HGD: variants seen among roughly 807,000 people sequenced by gnomAD.
The protein encoded by HGD is homogentisate 1,2-dioxygenase, also known as homogentisate oxidase.
A neutral mutation model predicts 60.8 loss-of-function variants in HGD; 61 were observed. The observed-to-expected ratio is 1.00, with a 90% CI of 0.82 to 1.24. The LOEUF (loss-of-function observed/expected upper bound fraction) is 1.24, where lower values mean the gene tolerates loss of function less well. Among genes scored for constraint, HGD ranks in the 50% most tolerant of loss-of-function variants. The pLI, the probability that HGD is intolerant of heterozygous loss-of-function variation, is 0.00. For synonymous variants in HGD, 212 were observed against 187.7 expected (o/e 1.13, Z -1.06); for missense variants, 542 against 547.1 (o/e 0.99, Z 0.09).
intron 12 of HGD, among the ~76,000 whole-genome samples, chr3:120,635,952 AGAATCCC>A (rs1330774883): frequency 6.6e-6 from 1 of 152,066 alleles, no homozygotes; most frequent in East Asian, 1.9e-4. Flanking sequence ...CTCCTTCATC[AGAATCCC>A]CTGACTTGCC....
Position 120,650,759 on chromosome 3 carries a change from A to G in HGD, c.434+15T>C. The G allele has an allele frequency of 6.2e-7, 1 of 1,600,920 alleles. No homozygotes were observed. Among genetic ancestry groups the G allele is most frequent in the Non-Finnish European group, 8.6e-7 (1 of 1,167,842 alleles). On this transcript the variant is annotated intron_variant, in intron 6 of 13. Coordinates refer to ENST00000283871, the MANE Select transcript of HGD (RefSeq NM_000187.4). ...AGAAGATGGGCATGTCCTTCCCTAG[A>G]ACTGAGCCACTTACCTGTTCTCCAT...
intron 4 of HGD, among the ~76,000 whole-genome samples, chr3:120,658,217 C>T (rs1348541928): frequency 6.6e-6 from 1 of 152,124 alleles, no homozygotes; most frequent in Non-Finnish European, 1.5e-5. Context: ...AAGTTAAGTC[C>T]CTTCCACCTA....
intron 10 of HGD, among the ~76,000 whole-genome samples, chr3:120,642,455 A>G (rs1941015533): frequency 6.6e-6 from 1 of 152,238 alleles, no homozygotes; most frequent in African/African-American, 2.4e-5. Context: ...GGACTTTAGC[A>G]AGAGCTAGAA....
chr3:120,661,905 C>T (rs1257342241), intron 4 of HGD, among the ~76,000 whole-genome samples: 1 of 152,186 alleles, frequency 6.6e-6, no homozygotes, highest in Non-Finnish European at 1.5e-5. Flanking sequence ...AAGGCATGTA[C>T]TGGATACTGC....
intron 4 of HGD, among the ~76,000 whole-genome samples, chr3:120,656,803 C>T (rs775737352): frequency 3.9e-5 from 6 of 152,126 alleles, no homozygotes; most frequent in East Asian, 1.9e-4. Context: ...CCACTTGCCT[C>T]GCCCTCCCAA....
At chr3:120,674,780 G>A (rs1394768006) in intron 3 of HGD, 121 bp downstream of exon 3, 1 of 733,200 alleles carries the variant, frequency 1.4e-6, no homozygotes, top group African/African-American at 1.7e-5. Context: ...CCAGACCATA[G>A]CCTATAAGAA....
chr3:120,641,733 A>T, intron 10 of HGD, 40 bp from the exon 11 acceptor site: 1 of 1,311,400 alleles, frequency 7.6e-7, no homozygotes, highest in Non-Finnish European at 1.1e-6. Flanking sequence ...TTACCATCTA[A>T]TGCTTTTGTA....
At chr3:120,633,058 G>T in intron 13 of HGD, 89 bp downstream of exon 13, 1 of 1,171,616 alleles carries the variant, frequency 8.5e-7, no homozygotes, top group South Asian at 1.3e-5. Context: ...CTCTTCCTCT[G>T]TGACTTTGGA....
intron 10 of HGD, among the ~76,000 whole-genome samples, chr3:120,642,484 C>T (rs1422723901): frequency 1.3e-5 from 2 of 152,068 alleles, no homozygotes; most frequent in African/African-American, 4.8e-5. Flanking sequence ...AAGGGTGTTA[C>T]CCAGTGGTGT....
At position 120,647,062 on chromosome 3, in the gene HGD, A is replaced by G; in HGVS notation, c.470-10T>C. On this transcript the variant is annotated splice_polypyrimidine_tract_variant and intron_variant, in intron 7 of 13. Transcript: ENST00000283871. ...TTCCCTTTCTGCGGAACTGACAAAAAAAGACAGGGCAGTGGTGAGCAATTC... is the reference window on the plus strand; with the variant it reads ...TTCCCTTTCTGCGGAACTGACAAAAGAAGACAGGGCAGTGGTGAGCAATTC... 6.2e-7 allele frequency: 1 copy of G among 1,611,312 alleles called. No homozygotes were observed. The highest frequency in any genetic ancestry group is 8.5e-7 in the Non-Finnish European group (1 of 1,177,418).
At chr3:120,642,343 T>G (rs920392754) in intron 10 of HGD, among the ~76,000 whole-genome samples, 7 of 152,060 alleles carry the variant, frequency 4.6e-5, no homozygotes, top group Admixed American at 1.3e-4. Flanking sequence ...GTGGTTAGGG[T>G]TAACTGGAAT....
intron 3 of HGD, among the ~76,000 whole-genome samples, chr3:120,671,082 C>T (rs759471386): frequency 1.3e-5 from 2 of 152,180 alleles, no homozygotes; most frequent in Non-Finnish European, 2.9e-5. Context: ...AGGTAAATGG[C>T]ACCTTCGTCC....
At chr3:120,673,178 T>C (rs1458004155) in intron 3 of HGD, among the ~76,000 whole-genome samples, 1 of 152,138 alleles carries the variant, frequency 6.6e-6, no homozygotes, top group African/African-American at 2.4e-5. Flanking sequence ...GGGTGAGCCA[T>C]ACCTAGTGTC....
At chr3:120,644,836 T>C (rs141240969) in intron 9 of HGD, among the ~76,000 whole-genome samples, 4 of 152,302 alleles carry the variant, frequency 2.6e-5, no homozygotes, top group African/African-American at 7.2e-5. Context: ...TCATTGACAG[T>C]CCTTGATCTC....
At chr3:120,648,038 A>G in intron 6 of HGD, 127 bp from the exon 7 acceptor site, 1 of 792,552 alleles carries the variant, frequency 1.3e-6, no homozygotes, top group Admixed American at 1.8e-5. Context: ...ATGGGGAGCA[A>G]AATGACCCAG....
intron 4 of HGD, 69 bp downstream of exon 4, chr3:120,670,358 A>T: frequency 2.5e-6 from 2 of 811,652 alleles, no homozygotes; most frequent in South Asian, 2.7e-5. Context: ...TGACCATGGT[A>T]TTCTATTTAG....
At chr3:120,665,038 C>T (rs953052291) in intron 4 of HGD, among the ~76,000 whole-genome samples, 1 of 152,120 alleles carries the variant, frequency 6.6e-6, no homozygotes, top group Non-Finnish European at 1.5e-5. Flanking sequence ...TAGATTATTT[C>T]TCAAGGAGTC....
At chr3:120,679,808 C>T (rs906285908) in intron 1 of HGD, among the ~76,000 whole-genome samples, 5 of 152,204 alleles carry the variant, frequency 3.3e-5, no homozygotes, top group African/African-American at 7.2e-5. Context: ...CTCATAGAGT[C>T]TCCAGAAGAA....
intron 4 of HGD, among the ~76,000 whole-genome samples, chr3:120,660,077 T>A (rs1171371879): frequency 6.6e-6 from 1 of 152,112 alleles, no homozygotes; most frequent in Non-Finnish European, 1.5e-5. Context: ...CCTCTCTCTC[T>A]TGCTCCTGCT....
Sources: allele counts gnomAD v4.1 joint callset (sites outside exome capture counted in the v4.1 genomes callset), GRCh38; gene constraint gnomAD v4.1.1; transcripts MANE v1.5; gene names NCBI Gene and HGNC (gene_info 2026-07-23, HGNC 2026-07-21).